Variants in TARS2 observed in about 807,000 individuals in gnomAD.
The protein encoded by TARS2 is threonine--tRNA ligase, mitochondrial.
TARS2 carries 61 observed loss-of-function variants against 94.4 expected under a neutral mutation model. That is an observed-to-expected ratio of 0.65 (90% CI 0.53 to 0.80). TARS2 has a LOEUF of 0.80. TARS2 is among the 30% of genes least tolerant of loss of function. The pLI, the probability that TARS2 is intolerant of heterozygous loss-of-function variation, is 0.00. For missense variants in TARS2, 704 were observed against 902.5 expected, an observed-to-expected ratio of 0.78 and a Z score of 2.82; for synonymous variants, 359 against 353.4, an observed-to-expected ratio of 1.02 and a Z score of -0.18.
At chr1:150,503,198 T>C (rs1669998194) in intron 13 of TARS2, among the ~76,000 whole-genome samples, 1 of 152,168 alleles carries the variant, frequency 6.6e-6, no homozygotes, top group Non-Finnish European at 1.5e-5. Context: ...TTGTGACATA[T>C]TGGGCAGCAC....
At chr1:150,503,172 T>C (rs1669997475) in intron 13 of TARS2, among the ~76,000 whole-genome samples, 1 of 152,162 alleles carries the variant, frequency 6.6e-6, no homozygotes. Flanking sequence ...AATCTCTGCA[T>C]TTGCATCTGT....
At chr1:150,489,341 T>G in intron 3 of TARS2, 1 of 461,850 alleles carries the variant, frequency 2.2e-6, no homozygotes, top group Non-Finnish European at 4.0e-6. Flanking sequence ...AAAGGATAAA[T>G]ATGTAAATTC....
Position 150,499,167 on chromosome 1 carries a change from T to C in TARS2, c.1540-49T>C, listed in dbSNP as rs779850878. 1.9e-6 allele frequency: 3 copies of C among 1,612,000 alleles called. No individual in the cohort carries two copies. In the Admixed American group the frequency reaches 5.0e-5, roughly 27 times the overall value. On this transcript the variant is annotated intron_variant, in intron 12 of 17. Transcript: ENST00000369064. ...GTTGGGGACTGACCGGATGTGTTGC[T>C]TTTGAAGTCTAAGATGATGTATTCC...
chr1:150,505,119 C>T (rs1206181019), intron 16 of TARS2, 141 bp downstream of exon 16: 5 of 760,578 alleles, frequency 6.6e-6, no homozygotes, highest in Non-Finnish European at 1.1e-5. Flanking sequence ...CGAGTGGCTG[C>T]TGTCCTAGAT....
chr1:150,495,339 A>G (rs1259155230), intron 7 of TARS2, among the ~76,000 whole-genome samples: 2 of 150,732 alleles, frequency 1.3e-5, no homozygotes, highest in Admixed American at 6.6e-5. Flanking sequence ...ATGTATATAC[A>G]CACACACACA....
At chr1:150,487,687 G>T (rs1300158814) in intron 1 of TARS2, among the ~76,000 whole-genome samples, 171 bp downstream of exon 1, 1 of 152,192 alleles carries the variant, frequency 6.6e-6, no homozygotes, top group Non-Finnish European at 1.5e-5. Context: ...TTAGCGGTCT[G>T]GGGGACTCTG....
chr1:150,491,344 T>C, intron 4 of TARS2, 50 bp from the exon 5 acceptor site: 1 of 1,589,728 alleles, frequency 6.3e-7, no homozygotes. Context: ...GTCACCCAGG[T>C]GATTGATGCA....
chr1:150,491,288 A>G, intron 4 of TARS2, 106 bp from the exon 5 acceptor site: 1 of 1,047,118 alleles, frequency 9.6e-7, no homozygotes, highest in Admixed American at 1.9e-5. Flanking sequence ...CTATAACTCT[A>G]GATTTCTCTT....
chr1:150,498,927 T>A lies in TARS2; in HGVS notation c.1432T>A (p.Phe478Ile). ...AGCAGAGATCCAAAGCTGTCTTGAT[T>A]TCCTCCGTTCCGTCTATGCCGTTCT... ...LEAEIQSCLDFLRSVYAVLGF... is the reference protein window; with the variant it reads ...LEAEIQSCLDILRSVYAVLGF... Residue 478 changes from phenylalanine (F) to isoleucine (I), a missense_variant, in exon 12 of 18, where the codon TTC becomes ATC. By Grantham distance (21) the Phe-to-Ile change is conservative. This residue lies in a region of TARS2 where 466 missense variants were observed against 609.5 expected (regional missense o/e 0.76). Coordinates refer to ENST00000369064, the MANE Select transcript of TARS2 (RefSeq NM_025150.5). 1.2e-6 allele frequency: 2 copies of A among 1,614,214 alleles called. No individual in the cohort carries two copies. Among genetic ancestry groups the A allele is most frequent in the Non-Finnish European group, 1.7e-6 (2 of 1,180,054 alleles).
chr1:150,487,836 G>C (rs748441408), intron 1 of TARS2, 22 bp from the exon 2 acceptor site: 19 of 1,607,618 alleles, frequency 1.2e-5, no homozygotes, highest in Non-Finnish European at 1.4e-5. Flanking sequence ...TGTGTTACCT[G>C]CTAATATATC....
chr1:150,496,537 C>G lies in TARS2; in HGVS notation c.830C>G (p.Ser277Ter). The G allele has an allele frequency of 6.2e-7, 1 of 1,614,104 alleles. No individual in the cohort carries two copies. The highest frequency in any genetic ancestry group is 1.1e-5 in the South Asian group (1 of 91,074). ...SGAPETLQRV[S>*]GISFPTTELL... ...GCCCCAGAGACACTGCAGAGAGTGT[C>G]AGGGATTTCCTTCCCCACAACAGAA... Residue 277 changes from serine (S) to a stop codon, truncating the protein, a stop_gained, in exon 8 of 18, where the codon TCA becomes TGA. Transcript: ENST00000369064. LOFTEE classifies it high-confidence loss of function.
At position 150,492,248 on chromosome 1, in the gene TARS2, G is replaced by A. The variant is rs1570838589; in HGVS notation, c.696-163G>A. 4.5e-6 allele frequency: 3 copies of A among 661,738 alleles called. No homozygotes were observed. In the East Asian group the frequency reaches 9.2e-5, roughly 20 times the overall value. 41.0% of individuals were successfully genotyped at this position (661,738 alleles called of 1,614,324 possible). A position where few individuals can be genotyped will look rare whatever the true frequency, so the allele number is the denominator to read the frequency against. ...CAAAGTTCTGGGATTATAGACATGAGCCACCGCGCCCTGCCAGGGAATTGA... is the reference window on the plus strand; with the variant it reads ...CAAAGTTCTGGGATTATAGACATGAACCACCGCGCCCTGCCAGGGAATTGA... On this transcript the variant is annotated intron_variant, in intron 6 of 17. Coordinates refer to ENST00000369064, the MANE Select transcript of TARS2 (RefSeq NM_025150.5).
intron 2 of TARS2, 185 bp from the exon 3 acceptor site, chr1:150,488,779 C>A: frequency 1.4e-6 from 1 of 706,266 alleles, no homozygotes; most frequent in African/African-American, 1.8e-5. Flanking sequence ...ATTTTTGTAC[C>A]CATTAGCCAA....
Position 150,507,566 on chromosome 1 carries a change from C to CTAAATAAA in TARS2, c.*521_*528dup, listed in dbSNP as rs71086517. ...TAGGCGACAGAGCGAGACTCTGTCTCTAAATAAATAAATAAATAAATAAAT... is the reference window on the plus strand; with the variant it reads ...TAGGCGACAGAGCGAGACTCTGTCTCTAAATAAATAAATAAATAAATAAATAAATAAAT... On this transcript the variant is annotated 3_prime_UTR_variant, in exon 18 of 18. Coordinates refer to ENST00000369064, the MANE Select transcript of TARS2 (RefSeq NM_025150.5). 0.081 allele frequency: 12,443 copies of CTAAATAAA among 153,460 alleles called. 624 individuals are homozygous for CTAAATAAA. The highest frequency in any genetic ancestry group is 0.1 in the African/African-American group (4,295 of 41,108). 9.5% of individuals were successfully genotyped at this position (153,460 alleles called of 1,614,324 possible).
Position 150,499,295 on chromosome 1 carries a change from T to C in TARS2, c.1617+2T>C. ...GATGGTGCCTTCTATGGACCTAAGGTAAGCTTGGGACCCTGGTTAGTGTTG... is the reference window on the plus strand; with the variant it reads ...GATGGTGCCTTCTATGGACCTAAGGCAAGCTTGGGACCCTGGTTAGTGTTG... On this transcript the variant is annotated splice_donor_variant, in intron 13 of 17. Transcript: ENST00000369064. LOFTEE classifies it high-confidence loss of function. 6.2e-7 allele frequency: 1 copy of C among 1,613,996 alleles called. No homozygotes were observed. The highest frequency in any genetic ancestry group is 8.5e-7 in the Non-Finnish European group (1 of 1,179,958).
chr1:150,489,964 C>G (rs1490920217), intron 3 of TARS2, among the ~76,000 whole-genome samples: 4 of 152,056 alleles, frequency 2.6e-5, no homozygotes, highest in Non-Finnish European at 5.9e-5. Flanking sequence ...TATTCTGAAG[C>G]CCTAAAAGCT....
At chr1:150,504,535 C>A in intron 14 of TARS2, 97 bp from the exon 15 acceptor site, 1 of 1,569,568 alleles carries the variant, frequency 6.4e-7, no homozygotes, top group Non-Finnish European at 8.8e-7. Context: ...CCTCTCCTGC[C>A]AGAGCTGAAT....
At chr1:150,490,915 T>C (rs1669353899) in intron 4 of TARS2, among the ~76,000 whole-genome samples, 190 bp downstream of exon 4, 1 of 152,002 alleles carries the variant, frequency 6.6e-6, no homozygotes, top group African/African-American at 2.4e-5. Flanking sequence ...AAATTTACCT[T>C]CTTGGCTGGT....
chr1:150,491,961 G>GTTTT (rs367685337), intron 6 of TARS2: 1,636 of 128,372 alleles, frequency 0.013, 2 homozygotes, highest in South Asian at 0.026. Context: ...TGCCTGGCTA[G>GTTTT]TTTTTTTTTT....
Sources: allele counts gnomAD v4.1 joint callset (sites outside exome capture counted in the v4.1 genomes callset), GRCh38; gene constraint gnomAD v4.1.1; regional missense constraint gnomAD v4.1.1; transcripts MANE v1.5; gene names NCBI Gene and HGNC (gene_info 2026-07-23, HGNC 2026-07-21).